The following USH2A variants were observed in gnomAD, a reference collection of about 807,000 sequenced individuals.
USH2A encodes the protein Usher syndrome 2A (autosomal recessive, mild).
USH2A carries 443 observed loss-of-function variants against 538.9 expected under a neutral mutation model. That is an observed-to-expected ratio of 0.82 (90% CI 0.76 to 0.89). The LOEUF (loss-of-function observed/expected upper bound fraction) is 0.89. USH2A is among the 40% of genes least tolerant of loss of function. The pLI, the probability that USH2A is intolerant of heterozygous loss-of-function variation, is 0.00. For synonymous variants in USH2A, 2,413 were observed against 2,273.5 expected, an observed-to-expected ratio of 1.06 and a Z score of -1.75; for missense variants, 6,633 against 6,324.8, an observed-to-expected ratio of 1.05 and a Z score of -1.65.
intron 60 of USH2A, among the ~76,000 whole-genome samples, chr1:215,736,278 T>C (rs1660152791): frequency 6.6e-6 from 1 of 152,162 alleles, no homozygotes. Flanking sequence ...CCTTGAATCC[T>C]ATGCTTATGT....
At chr1:215,965,240 A>G (rs1333271387) in intron 37 of USH2A, 77 bp downstream of exon 37, 5 of 1,483,454 alleles carry the variant, frequency 3.4e-6, no homozygotes, top group Admixed American at 3.7e-5. Flanking sequence ...GAAAGATTTT[A>G]GCCAAAAGAA....
At chr1:215,763,787 A>G (rs1661049405) in intron 56 of USH2A, among the ~76,000 whole-genome samples, 1 of 152,184 alleles carries the variant, frequency 6.6e-6, no homozygotes, top group Non-Finnish European at 1.5e-5. Flanking sequence ...AGGAGGATCC[A>G]GAGAACTTCT....
At chr1:216,380,348 A>G (rs1045429017) in intron 3 of USH2A, among the ~76,000 whole-genome samples, 3 of 152,210 alleles carry the variant, frequency 2.0e-5, no homozygotes, top group Non-Finnish European at 2.9e-5. Flanking sequence ...TGGAAGCAAC[A>G]CTGTTCCAGG....
chr1:216,377,816 AAAGAAAGAAAGAAAG>A (rs2038854969), intron 3 of USH2A, among the ~76,000 whole-genome samples: 1 of 15,294 alleles, frequency 6.5e-5, no homozygotes, highest in Non-Finnish European at 1.6e-4. Context: ...AAAAAGAAAG[AAAGAAAGAAAGAAAG>A]AAAGAAAGAA....
chr1:216,095,544 C>T (rs1278370985), intron 22 of USH2A, among the ~76,000 whole-genome samples: 6 of 152,094 alleles, frequency 3.9e-5, no homozygotes, highest in African/African-American at 1.4e-4. Context: ...TACTCACTGC[C>T]CACCTGCTGG....
rs767430074 is a variant in USH2A, at chr1:216,322,028, T to C, written c.1551-52A>G. On this transcript the variant is annotated intron_variant, in intron 8 of 71. Transcript: ENST00000307340. ...TAAGGAACACCAACTCAACTGTGAA[T>C]ATATTTAAGGTCCTAGGACTATATG... 3 of 1,550,820 alleles carry C rather than the reference T, an allele frequency of 1.9e-6. No individual in the cohort carries two copies. The South Asian group carries it at 3.3e-5, about 17-fold the overall frequency.
At chr1:215,695,715 C>A (rs574639897) in intron 61 of USH2A, among the ~76,000 whole-genome samples, 1 of 151,768 alleles carries the variant, frequency 6.6e-6, no homozygotes. Flanking sequence ...CACAGGCAAA[C>A]GTCTACATAT....
At chr1:216,309,189 C>G (rs573613398) in intron 9 of USH2A, among the ~76,000 whole-genome samples, 1 of 152,118 alleles carries the variant, frequency 6.6e-6, no homozygotes, top group African/African-American at 2.4e-5. Flanking sequence ...GCTCCCATTA[C>G]AAAATAACAC....
chr1:215,852,562 C>A (rs1011938641), intron 44 of USH2A, among the ~76,000 whole-genome samples: 1 of 152,158 alleles, frequency 6.6e-6, no homozygotes, highest in African/African-American at 2.4e-5. Flanking sequence ...TCAGCATTAA[C>A]TGAAAAGTCC....
At position 216,217,985 on chromosome 1, in the gene USH2A, A is replaced by G. The variant is rs548906599; in HGVS notation, c.2994-435T>C. On this transcript the variant is annotated intron_variant, in intron 14 of 71. Coordinates refer to ENST00000307340, the MANE Select transcript of USH2A (RefSeq NM_206933.4). The stretch of plus-strand genomic sequence containing the variant: ...GTGACTCTCCAATTGCGAAATAGAA[A>G]ATCAGGGGTAAATCATTGCTCTCCC... Among the ~76,000 whole-genome samples, 3 of 152,194 alleles carry G rather than the reference A, an allele frequency of 2.0e-5. No individual in the cohort carries two copies. In the South Asian group the frequency reaches 6.2e-4, roughly 32 times the overall value.
At chr1:216,253,148 T>C (rs535527239) in intron 11 of USH2A, among the ~76,000 whole-genome samples, 1 of 151,198 alleles carries the variant, frequency 6.6e-6, no homozygotes, top group East Asian at 1.9e-4. Context: ...TTTGTTATTT[T>C]TTCTTTTTTT....
intron 44 of USH2A, among the ~76,000 whole-genome samples, chr1:215,850,158 T>C (rs1226031722): frequency 1.3e-5 from 2 of 151,792 alleles, no homozygotes; most frequent in Admixed American, 6.6e-5. Flanking sequence ...ATATTAACAA[T>C]AATAATAAAC....
intron 34 of USH2A, among the ~76,000 whole-genome samples, chr1:215,996,098 A>G (rs1036882265): frequency 2.3e-4 from 35 of 152,056 alleles, no homozygotes; most frequent in Non-Finnish European, 3.8e-4. Flanking sequence ...TTAAGTAGAG[A>G]TGGGTTTTCG....
intron 35 of USH2A, among the ~76,000 whole-genome samples, chr1:215,981,553 A>T (rs1667753272): frequency 6.6e-6 from 1 of 152,062 alleles, no homozygotes; most frequent in Admixed American, 6.6e-5. Flanking sequence ...TTTGTTTTAG[A>T]GGAGGAGGCT....
chr1:216,399,095 G>C (rs773744106), intron 3 of USH2A, among the ~76,000 whole-genome samples: 1 of 152,132 alleles, frequency 6.6e-6, no homozygotes, highest in South Asian at 2.1e-4. Context: ...ACTTAGTGAA[G>C]TGGTGCAAGG....
chr1:216,392,577 T>C (rs983943164), intron 3 of USH2A, among the ~76,000 whole-genome samples: 2 of 151,918 alleles, frequency 1.3e-5, no homozygotes, highest in African/African-American at 4.8e-5. Context: ...ACATCCATTG[T>C]CTTCTCTCAG....
intron 21 of USH2A, among the ~76,000 whole-genome samples, chr1:216,133,971 AT>A (rs1248509130): frequency 6.6e-6 from 1 of 152,118 alleles, no homozygotes; most frequent in Non-Finnish European, 1.5e-5. Flanking sequence ...TATTTGTACT[AT>A]AATGAATCGG....
chr1:215,902,395 A>C (rs1017814678), intron 38 of USH2A, among the ~76,000 whole-genome samples: 1 of 152,174 alleles, frequency 6.6e-6, no homozygotes. Context: ...TTAATAATTC[A>C]TTCATTTGTT....
At chr1:215,878,714 A>T in intron 42 of USH2A, 50 bp downstream of exon 42, 2 of 1,579,046 alleles carry the variant, frequency 1.3e-6, no homozygotes, top group Non-Finnish European at 1.7e-6. Flanking sequence ...CCTACTTCTC[A>T]GAGAGATAAG....
Sources: gnomAD v4.1 joint callset for allele counts (sites outside exome capture counted in the v4.1 genomes callset) on GRCh38, gnomAD v4.1.1 for gene constraint, MANE v1.5 for transcripts, NCBI Gene and HGNC (gene_info 2026-07-23, HGNC 2026-07-21) for gene names.